The following CDH4 variants were observed in gnomAD, a reference collection of about 807,000 sequenced individuals.
The protein encoded by CDH4 is cadherin 4.
In CDH4, 33 loss-of-function variants were observed where a neutral mutation model predicts 86.0. That is an observed-to-expected ratio of 0.38 (90% CI 0.29 to 0.51). The LOEUF (loss-of-function observed/expected upper bound fraction) is 0.51. Among genes scored for constraint, CDH4 ranks in the 20% least tolerant of loss-of-function variants. The pLI, the probability that CDH4 is intolerant of heterozygous loss-of-function variation, is 0.86. For missense variants in CDH4, 1,114 were observed against 1,307.4 expected, an observed-to-expected ratio of 0.85 and a Z score of 2.28; for synonymous variants, 555 against 549.4, an observed-to-expected ratio of 1.01 and a Z score of -0.14.
At chr20:61,904,204 G>C (rs1221983390) in intron 8 of CDH4, among the ~76,000 whole-genome samples, 1 of 152,218 alleles carries the variant, frequency 6.6e-6, no homozygotes, top group African/African-American at 2.4e-5. Context: ...TTAGGGGCAT[G>C]AGGATCAGCA....
intron 9 of CDH4, among the ~76,000 whole-genome samples, chr20:61,914,730 G>A (rs976820131): frequency 6.6e-6 from 1 of 152,126 alleles, no homozygotes; most frequent in African/African-American, 2.4e-5. Flanking sequence ...AGGCGGGCTG[G>A]CACCCACCAG....
chr20:61,493,832 C>A (rs547049350), intron 2 of CDH4, among the ~76,000 whole-genome samples: 65 of 152,330 alleles, frequency 4.3e-4, no homozygotes, highest in African/African-American at 1.4e-3. Flanking sequence ...GTGTGGATTC[C>A]GCTACAGGTG....
chr20:61,263,561 T>C (rs1331658895), intron 2 of CDH4, among the ~76,000 whole-genome samples: 2 of 152,204 alleles, frequency 1.3e-5, no homozygotes, highest in East Asian at 3.9e-4. Context: ...TCACTCGGTA[T>C]GGGCAGGGGA....
At position 61,392,267 on chromosome 20, in the gene CDH4, G is replaced by A. The variant is rs756800757; in HGVS notation, c.169+137330G>A. 2.6e-5 allele frequency among the ~76,000 whole-genome samples: 4 copies of A among 151,908 alleles called. No homozygotes were observed. Among genetic ancestry groups the A allele is most frequent in the Non-Finnish European group, 5.9e-5 (4 of 68,002 alleles). ...CTGGGCTGGGGAGGGACAGGAACCC[G>A]AGGCAGATCCTTCCACCAAACGAGT... On this transcript the variant is annotated intron_variant, in intron 2 of 15. Transcript: ENST00000614565. This position sits in a 1 kb window ranked among gnomAD's most constrained non-coding sequence, Gnocchi z 5.7.
chr20:61,687,339 G>A (rs2087595347), intron 2 of CDH4, among the ~76,000 whole-genome samples: 1 of 152,054 alleles, frequency 6.6e-6, no homozygotes, highest in South Asian at 2.1e-4. Context: ...ACACAACCTC[G>A]TCTCCCTTGT....
At chr20:61,361,500 G>A (rs1314166684) in intron 2 of CDH4, among the ~76,000 whole-genome samples, 1 of 152,182 alleles carries the variant, frequency 6.6e-6, no homozygotes, top group East Asian at 1.9e-4. Flanking sequence ...CAGACAACCA[G>A]ACACTTTCCT....
Position 61,393,350 on chromosome 20 carries a change from G to T in CDH4, c.169+138413G>T, listed in dbSNP as rs1458021142. Reference sequence around the variant, plus strand: ...GTGTGGGGGACAGCAGCCGGGGGGGGCCGGGGTCTTCCTTACCTCCTAGCT... The same window carrying T: ...GTGTGGGGGACAGCAGCCGGGGGGGTCCGGGGTCTTCCTTACCTCCTAGCT... On this transcript the variant is annotated intron_variant, in intron 2 of 15. Transcript: ENST00000614565. The surrounding 1 kb of genome is among the most constrained non-coding windows in gnomAD (Gnocchi z 4.3). Among the ~76,000 whole-genome samples, 1 of 152,100 alleles carries T rather than the reference G, an allele frequency of 6.6e-6. No homozygotes were observed. Among genetic ancestry groups the T allele is most frequent in the Non-Finnish European group, 1.5e-5 (1 of 68,012 alleles).
intron 2 of CDH4, among the ~76,000 whole-genome samples, chr20:61,403,558 A>G (rs2085062007): frequency 6.6e-6 from 1 of 152,156 alleles, no homozygotes; most frequent in Middle Eastern, 3.4e-3. Flanking sequence ...AAATCAAATC[A>G]TCGTGGAAAA....
chr20:61,345,576 G>T (rs902290315), intron 2 of CDH4, among the ~76,000 whole-genome samples: 1 of 152,226 alleles, frequency 6.6e-6, no homozygotes, highest in African/African-American at 2.4e-5. Context: ...CCCTACCTGG[G>T]ACACTCCTCA....
intron 5 of CDH4, among the ~76,000 whole-genome samples, chr20:61,851,288 C>T (rs1007794365): frequency 2.0e-5 from 3 of 152,234 alleles, no homozygotes; most frequent in Non-Finnish European, 4.4e-5. Flanking sequence ...TAAAGCCAGC[C>T]TCTAGATCTT....
At chr20:61,462,298 C>T (rs2085448531) in intron 2 of CDH4, among the ~76,000 whole-genome samples, 1 of 152,190 alleles carries the variant, frequency 6.6e-6, no homozygotes, top group African/African-American at 2.4e-5. Context: ...GTGGTACAAA[C>T]CCAATGGGAC....
intron 2 of CDH4, among the ~76,000 whole-genome samples, chr20:61,262,775 T>G (rs1044813802): frequency 1.6e-4 from 23 of 145,618 alleles, no homozygotes; most frequent in African/African-American, 5.8e-4. Context: ...TCCTTCCTCC[T>G]TCCCTCTCTC....
At position 61,929,674 on chromosome 20, in the gene CDH4, A is replaced by T; in HGVS notation, c.2071A>T (p.Ile691Phe). 1 of 1,614,064 alleles carries T rather than the reference A, an allele frequency of 6.2e-7. No homozygotes were observed. The highest frequency in any genetic ancestry group is 8.5e-7 in the Non-Finnish European group (1 of 1,180,006). The change falls in exon 13 of 16, where the codon ATC (isoleucine) becomes TTC (phenylalanine). Residue 691 changes from isoleucine (I) to phenylalanine (F), a missense_variant. Coordinates refer to ENST00000614565, the MANE Select transcript of CDH4 (RefSeq NM_001794.5). ...GGCCGGGATGTATGACGTCCCCATC[A>T]TCGTCACAGACTCTGGAAACCCTCC... ...LEAGMYDVPI[I>F]VTDSGNPPLS...
chr20:61,429,371 T>C (rs2085232099), intron 2 of CDH4, among the ~76,000 whole-genome samples: 1 of 152,230 alleles, frequency 6.6e-6, no homozygotes, highest in Non-Finnish European at 1.5e-5. Context: ...GCCATCAGGC[T>C]CTTTTTCCTA....
chr20:61,713,222 C>T (rs967855511), intron 2 of CDH4, among the ~76,000 whole-genome samples: 1 of 152,160 alleles, frequency 6.6e-6, no homozygotes, highest in Non-Finnish European at 1.5e-5. Context: ...TGTCCTGACC[C>T]CTGCATGTCC....
At chr20:61,378,121 G>A (rs1202991067) in intron 2 of CDH4, among the ~76,000 whole-genome samples, 1 of 152,182 alleles carries the variant, frequency 6.6e-6, no homozygotes, top group African/African-American at 2.4e-5. Context: ...GGGCATGGTG[G>A]TGCACGCCTG....
At chr20:61,528,980 G>A (rs1324545450) in intron 2 of CDH4, among the ~76,000 whole-genome samples, 1 of 152,154 alleles carries the variant, frequency 6.6e-6, no homozygotes, top group African/African-American at 2.4e-5. Flanking sequence ...AGAGGCCAAA[G>A]CAGGAAGGGT....
intron 2 of CDH4, among the ~76,000 whole-genome samples, chr20:61,511,151 C>T (rs905943937): frequency 2.6e-5 from 4 of 152,224 alleles, no homozygotes; most frequent in Non-Finnish European, 5.9e-5. Flanking sequence ...CAAACTACAT[C>T]ATGAGTGAAT....
chr20:61,569,209 GA>G (rs2086323567), intron 2 of CDH4, among the ~76,000 whole-genome samples: 1 of 151,946 alleles, frequency 6.6e-6, no homozygotes, highest in Non-Finnish European at 1.5e-5. Context: ...GGGTGGCCAT[GA>G]TGATTAACTG....
Sources: allele counts gnomAD v4.1 joint callset (sites outside exome capture counted in the v4.1 genomes callset), GRCh38; gene constraint gnomAD v4.1.1; non-coding constraint Gnocchi (gnomAD v3.1); transcripts MANE v1.5; gene names NCBI Gene and HGNC (gene_info 2026-07-23, HGNC 2026-07-21).